CFAP221: variants seen among roughly 807,000 people sequenced by gnomAD.
CFAP221 encodes the protein cilia and flagella associated protein 221, also known as cilia- and flagella-associated protein 221.
CFAP221 carries 97 observed loss-of-function variants against 113.1 expected under a neutral mutation model. That is an observed-to-expected ratio of 0.86 (90% CI 0.73 to 1.02). CFAP221 has a LOEUF of 1.02. Ranked by LOEUF, CFAP221 falls within the 50% of genes least tolerant of loss-of-function variation. The pLI is 0.00. For missense variants in CFAP221, 1,025 were observed against 1,013.4 expected (o/e 1.01, Z -0.16); for synonymous variants, 331 against 354.4 (o/e 0.93, Z 0.74).
intron 7 of CFAP221, among the ~76,000 whole-genome samples, chr2:119,591,190 C>G (rs11681601): frequency 0.19 from 29,172 of 152,050 alleles, 3,006 homozygotes; most frequent in African/African-American, 0.26. Flanking sequence ...GAGTCCTTAC[C>G]AGAGGTAAAA....
At chr2:119,587,832 G>A (rs755325695) in intron 7 of CFAP221, among the ~76,000 whole-genome samples, 4 of 152,220 alleles carry the variant, frequency 2.6e-5, no homozygotes, top group Middle Eastern at 3.4e-3. Flanking sequence ...TTTTAAGTCC[G>A]GGTATTCATT....
At chr2:119,575,640 A>G (rs1410579299) in intron 6 of CFAP221, among the ~76,000 whole-genome samples, 1 of 152,224 alleles carries the variant, frequency 6.6e-6, no homozygotes, top group Admixed American at 6.5e-5. Context: ...CAGTTTTGCA[A>G]GATGAAAAAG....
chr2:119,656,826 A>G (rs1325114783), downstream of CFAP221, among the ~76,000 whole-genome samples: 1 of 152,076 alleles, frequency 6.6e-6, no homozygotes, highest in Non-Finnish European at 1.5e-5. Flanking sequence ...CCACCTCTGC[A>G]GAAGCAGCCC....
At chr2:119,600,122 C>T (rs1355564474) in intron 7 of CFAP221, among the ~76,000 whole-genome samples, 2 of 152,140 alleles carry the variant, frequency 1.3e-5, no homozygotes, top group African/African-American at 2.4e-5. Context: ...TCAGAACATT[C>T]GTCCTCCAGT....
chr2:119,557,110 G>A (rs1464952166), intron 3 of CFAP221: 2 of 152,166 alleles, frequency 1.3e-5, no homozygotes, highest in African/African-American at 4.8e-5. Context: ...TTTGAGGACA[G>A]ATCTCTGTTC....
intron 6 of CFAP221, among the ~76,000 whole-genome samples, chr2:119,566,292 T>G (rs1425447454): frequency 6.6e-6 from 1 of 152,162 alleles, no homozygotes; most frequent in Non-Finnish European, 1.5e-5. Context: ...TGAGTCGGCT[T>G]TTGCATGTTA....
intron 6 of CFAP221, among the ~76,000 whole-genome samples, chr2:119,577,831 A>G (rs1191414128): frequency 6.6e-6 from 1 of 152,224 alleles, no homozygotes; most frequent in Non-Finnish European, 1.5e-5. Context: ...GAAGCAGGAA[A>G]GAGAATGTTC....
chr2:119,581,418 G>A (rs1313159907), intron 6 of CFAP221, among the ~76,000 whole-genome samples: 1 of 152,126 alleles, frequency 6.6e-6, no homozygotes, highest in African/African-American at 2.4e-5. Flanking sequence ...TCAAAATATA[G>A]TCACCGAAAA....
chr2:119,608,254 T>C (rs1684908119), intron 11 of CFAP221, among the ~76,000 whole-genome samples: 1 of 152,374 alleles, frequency 6.6e-6, no homozygotes, highest in East Asian at 1.9e-4. Flanking sequence ...ATTTCCCTAA[T>C]GATTTAGAAG....
At chr2:119,564,767 C>G (rs1444637119) in intron 6 of CFAP221, among the ~76,000 whole-genome samples, 1 of 152,216 alleles carries the variant, frequency 6.6e-6, no homozygotes, top group Non-Finnish European at 1.5e-5. Flanking sequence ...ATCCACTCCA[C>G]TGCTGATGGA....
rs1253694215 is a variant in CFAP221 at position 119,559,908 on chromosome 2, A to G, written c.328-20A>G. ...GTGCAGTCCGGGGCTTGTCCCAACA[A>G]GATGCCACCTGTCTTCCAGGAACAC... On this transcript the variant is annotated intron_variant, in intron 4 of 23. Transcript: ENST00000413369. 6.5e-7 allele frequency: 1 copy of G among 1,529,210 alleles called. No homozygotes were observed. Among genetic ancestry groups the G allele is most frequent in the Non-Finnish European group, 8.8e-7 (1 of 1,140,756 alleles). The allele number at this position is 1,529,210 out of a possible 1,614,324, so 94.7% of individuals were successfully genotyped here. A position where few individuals can be genotyped will look rare whatever the true frequency, so the allele number is the denominator to read the frequency against.
intron 21 of CFAP221, among the ~76,000 whole-genome samples, chr2:119,642,946 T>C (rs1280222555): frequency 6.6e-6 from 1 of 151,430 alleles, no homozygotes; most frequent in Non-Finnish European, 1.5e-5. Flanking sequence ...ACATTGGGGG[T>C]TAAGTTCTTG....
intron 8 of CFAP221, 45 bp downstream of exon 8, chr2:119,601,422 T>A: frequency 7.0e-7 from 1 of 1,433,790 alleles, no homozygotes; most frequent in South Asian, 1.5e-5. Flanking sequence ...AACCCTTTTT[T>A]GAAAATCCAA....
chr2:119,608,575 T>C lies in CFAP221; in HGVS notation c.1207T>C (p.Cys403Arg). Residue 403 changes from cysteine (C) to arginine (R), a missense_variant, in exon 12 of 24, where the codon TGT (cysteine) becomes CGT (arginine). Coordinates refer to ENST00000413369, the MANE Select transcript of CFAP221 (RefSeq NM_001271049.2). ...KELTEEWQKA[C>R]AKYKLDRGDP... ...GCTTACTGAAGAGTGGCAAAAAGCA[T>C]GTGCCAAATATAAGGTCAGAGTTAC... 1 of 1,612,586 alleles carries C rather than the reference T, an allele frequency of 6.2e-7. No individual in the cohort carries two copies. The highest frequency in any genetic ancestry group is 8.5e-7 in the Non-Finnish European group (1 of 1,178,864).
At chr2:119,636,941 GC>G (rs1249185416) in intron 19 of CFAP221, among the ~76,000 whole-genome samples, 4 of 152,112 alleles carry the variant, frequency 2.6e-5, no homozygotes, top group Non-Finnish European at 5.9e-5. Flanking sequence ...AAGAGAGGCG[GC>G]CACATGGCAG....
At chr2:119,594,055 T>C (rs1683781843) in intron 7 of CFAP221, among the ~76,000 whole-genome samples, 1 of 152,150 alleles carries the variant, frequency 6.6e-6, no homozygotes. Flanking sequence ...AACCATAGCA[T>C]ACAGTTCCTT....
intron 8 of CFAP221, chr2:119,602,842 G>A (rs754787342): frequency 9.8e-6 from 9 of 918,534 alleles, no homozygotes; most frequent in Non-Finnish European, 1.0e-5. Context: ...ACATGAGTGC[G>A]ATTTTTATTT....
In CFAP221 at chr2:119,549,080, TA is replaced by T; in HGVS notation, c.140-4del. On this transcript the variant is annotated splice_polypyrimidine_tract_variant and splice_region_variant and intron_variant, in intron 2 of 23. Coordinates refer to ENST00000413369, the MANE Select transcript of CFAP221 (RefSeq NM_001271049.2). Reference sequence around the variant, plus strand: ...ATGATGTGCTTATCTACATTGTTTTTATAGAGGTTTATGCAAAACTTGTGAA... The same window carrying T: ...ATGATGTGCTTATCTACATTGTTTTTTAGAGGTTTATGCAAAACTTGTGAA... 6.6e-7 allele frequency: 1 copy of T among 1,512,594 alleles called. No individual in the cohort carries two copies. The highest frequency in any genetic ancestry group is 8.8e-7 in the Non-Finnish European group (1 of 1,135,570). The allele number at this position is 1,512,594 out of a possible 1,614,324, so 93.7% of individuals were successfully genotyped here.
At chr2:119,548,809 G>A (rs1459068780) in intron 2 of CFAP221, among the ~76,000 whole-genome samples, 3 of 152,178 alleles carry the variant, frequency 2.0e-5, no homozygotes, top group African/African-American at 7.2e-5. Flanking sequence ...TACAAAATGT[G>A]TGAAGAGCAA....
Sources: allele counts gnomAD v4.1 joint callset (sites outside exome capture counted in the v4.1 genomes callset), GRCh38; gene constraint gnomAD v4.1.1; transcripts MANE v1.5; gene names NCBI Gene and HGNC (gene_info 2026-07-23, HGNC 2026-07-21).